Variants in ZDHHC20 observed in about 807,000 individuals in gnomAD.
ZDHHC20 encodes the protein palmitoyltransferase ZDHHC20.
ZDHHC20 carries 43 observed loss-of-function variants against 57.8 expected under a neutral mutation model. The observed-to-expected ratio is 0.74, with a 90% CI of 0.58 to 0.96. The LOEUF (loss-of-function observed/expected upper bound fraction) is 0.96, where lower values mean the gene tolerates loss of function less well. ZDHHC20 is among the 40% of genes least tolerant of loss of function. The pLI, the probability that ZDHHC20 is intolerant of heterozygous loss-of-function variation, is 0.00. For synonymous variants in ZDHHC20, 157 were observed against 153.0 expected (o/e 1.03, Z -0.19); for missense variants, 391 against 441.1 (o/e 0.89, Z 1.02).
chr13:21,458,367 G>A (rs1293637745), intron 1 of ZDHHC20, among the ~76,000 whole-genome samples: 1 of 152,082 alleles, frequency 6.6e-6, no homozygotes, highest in Non-Finnish European at 1.5e-5. Flanking sequence ...TTAATAATCA[G>A]CCAAGAAAAA....
intron 2 of ZDHHC20, among the ~76,000 whole-genome samples, chr13:21,424,697 C>A (rs1011235153): frequency 1.4e-5 from 2 of 143,752 alleles, no homozygotes; most frequent in Non-Finnish European, 3.1e-5. Flanking sequence ...GGCAACAGAG[C>A]GAGACTCTGT....
chr13:21,440,620 C>G (rs1883040615), intron 1 of ZDHHC20, among the ~76,000 whole-genome samples: 1 of 125,446 alleles, frequency 8.0e-6, no homozygotes, highest in Admixed American at 7.6e-5. Flanking sequence ...CAAAAACAAA[C>G]AAACAAAAAG....
chr13:21,440,635 T>C (rs981659297), intron 1 of ZDHHC20, among the ~76,000 whole-genome samples: 10 of 151,832 alleles, frequency 6.6e-5, no homozygotes, highest in African/African-American at 2.4e-4. Context: ...AAAAAGTGTG[T>C]GTGTGTGTGT....
chr13:21,432,967 G>C (rs529134941), intron 1 of ZDHHC20, among the ~76,000 whole-genome samples: 5 of 152,216 alleles, frequency 3.3e-5, no homozygotes, highest in African/African-American at 1.2e-4. Context: ...ACTCTATTTT[G>C]TTCCACTGGT....
At chr13:21,419,578 A>G (rs1593240450) in intron 3 of ZDHHC20, among the ~76,000 whole-genome samples, 2 of 152,380 alleles carry the variant, frequency 1.3e-5, no homozygotes, top group East Asian at 3.8e-4. Context: ...TTACAAATAG[A>G]ATGTTAATGA....
chr13:21,413,832 C>T, intron 3 of ZDHHC20, 60 bp from the exon 4 acceptor site: 1 of 1,435,804 alleles, frequency 7.0e-7, no homozygotes, highest in East Asian at 2.4e-5. Flanking sequence ...TTATCATGCT[C>T]AGAAAAAGTT....
chr13:21,438,166 G>A (rs941329503), intron 1 of ZDHHC20, among the ~76,000 whole-genome samples: 1 of 152,166 alleles, frequency 6.6e-6, no homozygotes, highest in Non-Finnish European at 1.5e-5. Context: ...GCAGCCCATG[G>A]ATCAAGGAGT....
chr13:21,444,024 C>T (rs1158326011), intron 1 of ZDHHC20, among the ~76,000 whole-genome samples: 2 of 152,042 alleles, frequency 1.3e-5, no homozygotes, highest in East Asian at 1.9e-4. Context: ...GGTGTGGTGG[C>T]GTGTGCCTAT....
intron 1 of ZDHHC20, among the ~76,000 whole-genome samples, chr13:21,428,792 G>T (rs1001156324): frequency 6.6e-6 from 1 of 151,916 alleles, no homozygotes; most frequent in Non-Finnish European, 1.5e-5. Flanking sequence ...CCTGGGAGGC[G>T]GTTGCAGTGA....
chr13:21,432,145 T>C (rs536278272), intron 1 of ZDHHC20, among the ~76,000 whole-genome samples: 1 of 152,196 alleles, frequency 6.6e-6, no homozygotes, highest in South Asian at 2.1e-4. Flanking sequence ...AGACAGAGTC[T>C]TGCTCTCATT....
intron 1 of ZDHHC20, among the ~76,000 whole-genome samples, chr13:21,442,477 A>G (rs9509714): frequency 0.59 from 90,269 of 152,096 alleles, 27,625 homozygotes; most frequent in Non-Finnish European, 0.68. Flanking sequence ...TGACGTGGCC[A>G]GGCACGGTGA....
At chr13:21,404,709 G>A (rs181802218) in intron 4 of ZDHHC20, among the ~76,000 whole-genome samples, 133 of 150,264 alleles carry the variant, frequency 8.9e-4, no homozygotes, top group South Asian at 1.9e-3. Context: ...AGCTGAGATC[G>A]CGCCACTGCA....
intron 1 of ZDHHC20, among the ~76,000 whole-genome samples, chr13:21,450,632 T>A (rs1884354894): frequency 6.6e-6 from 1 of 152,154 alleles, no homozygotes; most frequent in African/African-American, 2.4e-5. Flanking sequence ...AAGGCTAAGG[T>A]AACTGCAGAA....
chr13:21,456,271 A>G (rs1327373412), intron 1 of ZDHHC20, among the ~76,000 whole-genome samples: 1 of 152,064 alleles, frequency 6.6e-6, no homozygotes, highest in Non-Finnish European at 1.5e-5. Context: ...TTAGCTGGGC[A>G]TGGTGGCGGG....
At position 21,434,087 on chromosome 13, in the gene ZDHHC20, CGTGT is replaced by C. The variant is rs4062876; in HGVS notation, c.119-8413_119-8410del. 2.6e-3 allele frequency among the ~76,000 whole-genome samples: 392 copies of C among 150,716 alleles called. 3 individuals carry two copies. The highest frequency in any genetic ancestry group is 9.1e-3 in the African/African-American group (374 of 41,118). On this transcript the variant is annotated intron_variant, in intron 1 of 12. Coordinates refer to ENST00000400590, the MANE Select transcript of ZDHHC20 (RefSeq NM_001330059.2). ...CAACAGGGTTTGTTTTCCTTTCCTA[CGTGT>C]GTGTGTGTGTGTGTCTGTGTGTCTG...
At chr13:21,398,327 G>C (rs1877118990) in intron 7 of ZDHHC20, among the ~76,000 whole-genome samples, 1 of 152,086 alleles carries the variant, frequency 6.6e-6, no homozygotes, top group African/African-American at 2.4e-5. Flanking sequence ...AGCCGGGCGA[G>C]GTGCCGGGTG....
At chr13:21,416,264 A>C (rs376207057) in intron 3 of ZDHHC20, among the ~76,000 whole-genome samples, 6 of 152,124 alleles carry the variant, frequency 3.9e-5, no homozygotes, top group African/African-American at 1.4e-4. Context: ...AAACCAAACG[A>C]AAATTTCAAG....
intron 3 of ZDHHC20, among the ~76,000 whole-genome samples, chr13:21,419,951 C>T (rs983733302): frequency 1.3e-5 from 2 of 152,136 alleles, no homozygotes; most frequent in African/African-American, 4.8e-5. Context: ...TCATCATCAT[C>T]TAATATTTGA....
At chr13:21,432,608 A>G (rs573526832) in intron 1 of ZDHHC20, among the ~76,000 whole-genome samples, 53 of 152,170 alleles carry the variant, frequency 3.5e-4, no homozygotes, top group Non-Finnish European at 7.1e-4. Context: ...CTGGGATTAC[A>G]GGCATGAGAC....
Sources: allele counts gnomAD v4.1 joint callset (sites outside exome capture counted in the v4.1 genomes callset), GRCh38; gene constraint gnomAD v4.1.1; transcripts MANE v1.5; gene names NCBI Gene and HGNC (gene_info 2026-07-23, HGNC 2026-07-21).